ZDHHC7: variants seen among roughly 807,000 people sequenced by gnomAD.
ZDHHC7 encodes the protein palmitoyltransferase ZDHHC7.
ZDHHC7 carries 12 observed loss-of-function variants against 34.1 expected under a neutral mutation model. The observed-to-expected ratio is 0.35, with a 90% CI of 0.23 to 0.57. ZDHHC7 has a LOEUF of 0.57. ZDHHC7 is among the 20% of genes least tolerant of loss of function. ZDHHC7 has a pLI of 0.84. For synonymous variants in ZDHHC7, 185 were observed against 155.4 expected (o/e 1.19, Z -1.42); for missense variants, 388 against 402.7 (o/e 0.96, Z 0.31).
chr16:85,012,341 G>C (rs2072805483), upstream of ZDHHC7, among the ~76,000 whole-genome samples: 1 of 143,984 alleles, frequency 6.9e-6, no homozygotes, highest in South Asian at 2.2e-4. Flanking sequence ...CTGAGATCAA[G>C]CCACTGCACT....
intron 1 of ZDHHC7, chr16:85,004,870 A>C (rs934146965): frequency 1.3e-5 from 2 of 152,230 alleles, no homozygotes; most frequent in African/African-American, 2.4e-5. Context: ...GAAATGCACA[A>C]GGGTTATAGA....
At chr16:84,996,934 G>C (rs2072586424) in intron 1 of ZDHHC7, among the ~76,000 whole-genome samples, 1 of 151,628 alleles carries the variant, frequency 6.6e-6, no homozygotes, top group East Asian at 2.0e-4. Context: ...GGCTGTGGCA[G>C]AGAACTGCTT....
intron 2 of ZDHHC7, among the ~76,000 whole-genome samples, chr16:84,994,211 T>C (rs573324049): frequency 5.3e-5 from 8 of 152,350 alleles, no homozygotes; most frequent in African/African-American, 1.7e-4. Flanking sequence ...GCATGCTGTC[T>C]GGCGCACAGC....
Position 84,995,976 on chromosome 16 carries a change from C to A in ZDHHC7, c.-72G>T, listed in dbSNP as rs2072571612. ...ACATTTTGTGCCGTTTCTTCAGGAT[C>A]TTAAGGTGCATACTGTCCTATGTGA... On this transcript the variant is annotated 5_prime_UTR_variant, in exon 2 of 8. Coordinates refer to ENST00000313732, the MANE Select transcript of ZDHHC7 (RefSeq NM_017740.3). 1 of 152,182 alleles carries A rather than the reference C, an allele frequency of 6.6e-6. No individual in the cohort carries two copies. The highest frequency in any genetic ancestry group is 6.5e-5 in the Admixed American group (1 of 15,272). The allele number at this position is 152,182 out of a possible 1,614,324, so 9.4% of individuals were successfully genotyped here.
At chr16:85,017,358 C>G in the ZDHHC7 span, among the ~76,000 whole-genome samples, 15 of 152,162 alleles carry the variant, frequency 9.9e-5, no homozygotes, top group African/African-American at 3.6e-4. Flanking sequence ...GAAACACCAC[C>G]AAGGGTTGGC....
In ZDHHC7 at chr16:84,974,933, C is replaced by G. The variant is rs1333383575; in HGVS notation, c.*1410G>C. On this transcript the variant is annotated 3_prime_UTR_variant, in exon 8 of 8. Transcript: ENST00000313732. ...AAACAAAAAACAGTTCACAGATGAA[C>G]AGAAAGGCAAAACAATTCCCAGGAG... 1.3e-5 allele frequency: 2 copies of G among 152,678 alleles called. No homozygotes were observed. The highest frequency in any genetic ancestry group is 2.9e-5 in the Non-Finnish European group (2 of 68,080). 9.5% of individuals were successfully genotyped at this position (152,678 alleles called of 1,614,324 possible). A position where few individuals can be genotyped will look rare whatever the true frequency, so the allele number is the denominator to read the frequency against.
chr16:84,992,895 A>T (rs16975107), intron 2 of ZDHHC7, among the ~76,000 whole-genome samples: 4,595 of 152,316 alleles, frequency 0.03, 235 homozygotes, highest in African/African-American at 0.1. Flanking sequence ...TTGCCGAATG[A>T]ACATGTGGTG....
chr16:84,979,851 C>T (rs560191819), intron 4 of ZDHHC7, among the ~76,000 whole-genome samples: 12 of 151,686 alleles, frequency 7.9e-5, no homozygotes, highest in African/African-American at 2.7e-4. Flanking sequence ...ATTTGATTAT[C>T]GATTACTTTT....
the ZDHHC7 span, among the ~76,000 whole-genome samples, chr16:85,025,237 C>T: frequency 6.6e-6 from 1 of 151,586 alleles, no homozygotes; most frequent in African/African-American, 2.4e-5. Flanking sequence ...CGTCACTGCA[C>T]TCCGGCCTGG....
At chr16:84,990,229 T>C (rs1711901103) in intron 3 of ZDHHC7, 75 bp downstream of exon 3, 2 of 1,532,682 alleles carry the variant, frequency 1.3e-6, no homozygotes, top group South Asian at 1.2e-5. Context: ...CACTGCTTCC[T>C]CCAAAGGGTC....
chr16:85,012,044 C>T (rs956724909), upstream of ZDHHC7, among the ~76,000 whole-genome samples: 5 of 152,358 alleles, frequency 3.3e-5, no homozygotes, highest in Middle Eastern at 3.4e-3. Context: ...AGCACCGCCA[C>T]TGTCCCTTCC....
At chr16:84,998,456 T>C (rs1488522511) in intron 1 of ZDHHC7, among the ~76,000 whole-genome samples, 2 of 152,228 alleles carry the variant, frequency 1.3e-5, no homozygotes, top group South Asian at 4.1e-4. Flanking sequence ...CAGTGCTTTT[T>C]CTGCCTGAGT....
chr16:84,993,656 T>G (rs1291727009), intron 2 of ZDHHC7, among the ~76,000 whole-genome samples: 1 of 152,072 alleles, frequency 6.6e-6, no homozygotes, highest in Non-Finnish European at 1.5e-5. Flanking sequence ...AAAAAAATTG[T>G]TTTAATTAAA....
intron 3 of ZDHHC7, chr16:84,989,018 G>T: frequency 1.3e-6 from 1 of 791,480 alleles, no homozygotes; most frequent in Non-Finnish European, 2.0e-6. Flanking sequence ...GAGACACACA[G>T]GGATCAGGAG....
chr16:84,998,552 G>A (rs1005858480), intron 1 of ZDHHC7, among the ~76,000 whole-genome samples: 1 of 152,006 alleles, frequency 6.6e-6, no homozygotes, highest in Non-Finnish European at 1.5e-5. Flanking sequence ...CCGATAACCC[G>A]AGATGGCTCG....
chr16:84,985,617 T>C, intron 3 of ZDHHC7, among the ~76,000 whole-genome samples: 1 of 152,148 alleles, frequency 6.6e-6, no homozygotes, highest in Non-Finnish European at 1.5e-5. Context: ...TCACACTGTA[T>C]GGATCCTTAT....
At chr16:85,019,246 T>C in the ZDHHC7 span, among the ~76,000 whole-genome samples, 2 of 152,198 alleles carry the variant, frequency 1.3e-5, no homozygotes, top group African/African-American at 2.4e-5. Context: ...ACGTCTCACC[T>C]GTATCCTTCA....
At position 85,010,921 on chromosome 16, in the gene ZDHHC7, C is replaced by G. The variant is rs550240522; in HGVS notation, c.-104+365G>C. On this transcript the variant is annotated intron_variant, in intron 1 of 7. Coordinates refer to ENST00000313732, the MANE Select transcript of ZDHHC7 (RefSeq NM_017740.3). ...CGAGACTGCTCATTGTAATACCTGCCTATTAAAAAACTCTTTACAGCTTAC... is the reference window on the plus strand; with the variant it reads ...CGAGACTGCTCATTGTAATACCTGCGTATTAAAAAACTCTTTACAGCTTAC... Among the ~76,000 whole-genome samples, 5 of 152,354 alleles carry G rather than the reference C, an allele frequency of 3.3e-5. No individual in the cohort carries two copies. The South Asian group carries it at 1.0e-3, about 32-fold the overall frequency.
chr16:85,009,709 CTTTTTTTT>C (rs543110602), intron 1 of ZDHHC7, among the ~76,000 whole-genome samples: 1 of 126,626 alleles, frequency 7.9e-6, no homozygotes, highest in African/African-American at 3.0e-5. Context: ...GACTTTTTTT[CTTTTTTTT>C]TTTTTTTTTG....
Sources: gnomAD v4.1 joint callset for allele counts (sites outside exome capture counted in the v4.1 genomes callset) on GRCh38, gnomAD v4.1.1 for gene constraint, MANE v1.5 for transcripts, NCBI Gene and HGNC (gene_info 2026-07-23, HGNC 2026-07-21) for gene names.